Variants in PNKD observed in about 807,000 individuals in gnomAD.
The protein encoded by PNKD is probable thioesterase PNKD.
PNKD carries 36 observed loss-of-function variants against 45.3 expected under a neutral mutation model. The ratio of observed to expected loss-of-function variants is 0.80; its 90% CI spans 0.61 to 1.05. The LOEUF (loss-of-function observed/expected upper bound fraction) is 1.05, where lower values mean the gene tolerates loss of function less well. Ranked by LOEUF, PNKD falls within the 50% of genes least tolerant of loss-of-function variation. PNKD has a pLI of 0.00. For synonymous variants in PNKD, 197 were observed against 210.1 expected, an observed-to-expected ratio of 0.94 and a Z score of 0.54; for missense variants, 511 against 506.6, an observed-to-expected ratio of 1.01 and a Z score of -0.08.
chr2:218,283,406 G>A (rs1187974497), intron 2 of PNKD, among the ~76,000 whole-genome samples: 2 of 152,200 alleles, frequency 1.3e-5, no homozygotes, highest in African/African-American at 4.8e-5. Flanking sequence ...ACTGTCCTCT[G>A]GGCCTGGTGG....
In PNKD at chr2:218,278,635, G is replaced by C. The variant is rs1436117347; in HGVS notation, c.236+7086G>C. 3.9e-6 allele frequency: 6 copies of C among 1,551,496 alleles called. No individual in the cohort carries two copies. In the African/African-American group the frequency reaches 5.4e-5, roughly 14 times the overall value. The stretch of plus-strand genomic sequence containing the variant: ...CCGCTTGGCAGCACACACCAGGCCA[G>C]TGATTTGGGGCCCAAATAGCCGTTT... On this transcript the variant is annotated intron_variant, in intron 2 of 9. Transcript: ENST00000273077.
intron 7 of PNKD, among the ~76,000 whole-genome samples, chr2:218,342,958 C>T (rs1434136470): frequency 1.3e-5 from 2 of 152,116 alleles, no homozygotes; most frequent in Non-Finnish European, 2.9e-5. Flanking sequence ...AACAATGAGA[C>T]TCTGTCTCAA....
At chr2:218,273,763 G>C (rs571155163) in intron 2 of PNKD, among the ~76,000 whole-genome samples, 263 of 151,844 alleles carry the variant, frequency 1.7e-3, no homozygotes, top group African/African-American at 6.2e-3. Context: ...CTCCCAAAGT[G>C]CTGGAGTTAC....
intron 2 of PNKD, chr2:218,279,096 G>A: frequency 6.2e-7 from 1 of 1,614,086 alleles, no homozygotes; most frequent in South Asian, 1.1e-5. Flanking sequence ...GGTTCCCTGT[G>A]GGGCACAGGA....
chr2:218,301,611 A>G (rs1209352827), intron 2 of PNKD, among the ~76,000 whole-genome samples: 2 of 151,588 alleles, frequency 1.3e-5, no homozygotes, highest in Non-Finnish European at 2.9e-5. Context: ...ACATAGTGAG[A>G]CCCATCTCTT....
intron 2 of PNKD, among the ~76,000 whole-genome samples, chr2:218,284,696 A>G (rs1268447167): frequency 6.6e-6 from 1 of 152,184 alleles, no homozygotes; most frequent in Non-Finnish European, 1.5e-5. Context: ...AACTACCATG[A>G]CCATTTCAAC....
At chr2:218,306,661 C>T (rs1246182675) in intron 2 of PNKD, among the ~76,000 whole-genome samples, 1 of 152,186 alleles carries the variant, frequency 6.6e-6, no homozygotes, top group Non-Finnish European at 1.5e-5. Context: ...TAGCACACAA[C>T]CCCCAAACCC....
At chr2:218,282,351 C>A (rs1292813366) in intron 2 of PNKD, 2 of 487,320 alleles carry the variant, frequency 4.1e-6, no homozygotes, top group South Asian at 7.1e-5. Flanking sequence ...TCCCCACCAA[C>A]TGGGCTCCTG....
chr2:218,301,279 T>A (rs1693260315), intron 2 of PNKD, among the ~76,000 whole-genome samples: 1 of 152,176 alleles, frequency 6.6e-6, no homozygotes, highest in Admixed American at 6.6e-5. Context: ...CGCTGGTCAT[T>A]GACTTAAGGG....
In PNKD at chr2:218,293,300, C is replaced by T. The variant is rs201555045; in HGVS notation, c.236+21751C>T. ...AGGAAGTTCTGAAATATTACTGGAG[C>T]CTGGGCATGGTGACTCACACCTGCG... On this transcript the variant is annotated intron_variant, in intron 2 of 9. Coordinates refer to ENST00000273077, the MANE Select transcript of PNKD (RefSeq NM_015488.5). Among the ~76,000 whole-genome samples, 5 of 152,294 alleles carry T rather than the reference C, an allele frequency of 3.3e-5. No individual in the cohort carries two copies. In the East Asian group the frequency reaches 7.7e-4, roughly 24 times the overall value.
chr2:218,304,214 C>T (rs1030019903), intron 2 of PNKD, among the ~76,000 whole-genome samples: 13 of 152,002 alleles, frequency 8.6e-5, no homozygotes, highest in South Asian at 2.1e-4. Flanking sequence ...AGTGCAGTGG[C>T]GTGGTCTCAG....
intron 5 of PNKD, 66 bp from the exon 6 acceptor site, chr2:218,341,468 G>A: frequency 2.8e-6 from 3 of 1,054,284 alleles, no homozygotes; most frequent in Admixed American, 2.1e-5. Context: ...GAGATGCTGT[G>A]GTAAAGAAGG....
intron 2 of PNKD, chr2:218,327,153 G>A (rs1447057944): frequency 1.3e-5 from 2 of 152,302 alleles, no homozygotes; most frequent in African/African-American, 4.8e-5. Flanking sequence ...CTGGCCTGTG[G>A]AGAAAGCCAG....
chr2:218,298,662 G>A (rs1264957976), intron 2 of PNKD, among the ~76,000 whole-genome samples: 1 of 152,126 alleles, frequency 6.6e-6, no homozygotes, highest in Non-Finnish European at 1.5e-5. Flanking sequence ...CTGGAGGGAT[G>A]AACTTGCCCG....
At chr2:218,315,739 T>C (rs982139067) in intron 2 of PNKD, among the ~76,000 whole-genome samples, 2 of 152,252 alleles carry the variant, frequency 1.3e-5, no homozygotes, top group Non-Finnish European at 2.9e-5. Flanking sequence ...TTTATTTTGG[T>C]GGATTCTGTG....
At chr2:218,271,645 A>G in intron 2 of PNKD, 96 bp downstream of exon 2, 1 of 1,102,624 alleles carries the variant, frequency 9.1e-7, no homozygotes, top group Non-Finnish European at 1.3e-6. Context: ...GGCGAGCTGA[A>G]TCCAAAGTTG....
rs748528413 is a variant in PNKD, at chr2:218,272,569, GGGCCATC to G, written c.236+1024_236+1030del. On this transcript the variant is annotated intron_variant, in intron 2 of 9. Coordinates refer to ENST00000273077, the MANE Select transcript of PNKD (RefSeq NM_015488.5). ...CCCCGTGCACATCTCCCCACCCGTAGGGCCATCGGCTTCCCTTGTGGTATCCTCCTCT... is the reference window on the plus strand; with the variant it reads ...CCCCGTGCACATCTCCCCACCCGTAGGGCTTCCCTTGTGGTATCCTCCTCT... 9.3e-6 allele frequency: 15 copies of G among 1,613,716 alleles called. No individual in the cohort carries two copies. In the East Asian group the frequency reaches 3.1e-4, roughly 34 times the overall value.
intron 2 of PNKD, chr2:218,280,281 C>T (rs1376863041): frequency 1.6e-6 from 1 of 615,846 alleles, no homozygotes; most frequent in Non-Finnish European, 2.9e-6. Context: ...TTCTAGACAC[C>T]CTCAGAGTGA....
intron 2 of PNKD, among the ~76,000 whole-genome samples, chr2:218,321,739 T>C (rs57851860): frequency 0.59 from 88,797 of 149,936 alleles, 26,686 homozygotes; most frequent in South Asian, 0.68. Flanking sequence ...AGCGATTCTC[T>C]TGCCTCAGGC....
Sources: allele counts gnomAD v4.1 joint callset (sites outside exome capture counted in the v4.1 genomes callset), GRCh38; gene constraint gnomAD v4.1.1; transcripts MANE v1.5; gene names NCBI Gene and HGNC (gene_info 2026-07-23, HGNC 2026-07-21).